The following KLF12 variants were observed in gnomAD, a reference collection of about 807,000 sequenced individuals.
KLF12 encodes the protein Krueppel-like factor 12.
KLF12 carries 9 observed loss-of-function variants against 37.8 expected under a neutral mutation model. That is an observed-to-expected ratio of 0.24 (90% CI 0.14 to 0.42). The LOEUF (loss-of-function observed/expected upper bound fraction) is 0.42. Ranked by LOEUF, KLF12 falls within the 10% of genes least tolerant of loss-of-function variation. The pLI is 1.00. For synonymous variants in KLF12, 208 were observed against 202.1 expected, an observed-to-expected ratio of 1.03 and a Z score of -0.25; for missense variants, 411 against 516.0, an observed-to-expected ratio of 0.80 and a Z score of 1.97.
At chr13:73,712,323 A>G (rs985444064) in intron 7 of KLF12, among the ~76,000 whole-genome samples, 1 of 138,790 alleles carries the variant, frequency 7.2e-6, no homozygotes, top group East Asian at 2.2e-4. Flanking sequence ...GGGTAACAAG[A>G]GCGAAACTCC....
At chr13:73,842,346 C>T (rs917901392) in intron 4 of KLF12, among the ~76,000 whole-genome samples, 3 of 152,220 alleles carry the variant, frequency 2.0e-5, no homozygotes, top group African/African-American at 7.2e-5. Context: ...TAGTCCAACT[C>T]TGTCCACAAT....
In KLF12 at chr13:73,813,257, C is replaced by T; in HGVS notation, c.701G>A (p.Arg234Lys). 1 of 1,613,976 alleles carries T rather than the reference C, an allele frequency of 6.2e-7. No individual in the cohort carries two copies. The highest frequency in any genetic ancestry group is 2.2e-5 in the East Asian group (1 of 44,874). ...ATCATCACTGTCACTTTTACTTTGTCTGGGAGATAGGCCTCGGGGGTCCAT... is the reference window on the plus strand; with the variant it reads ...ATCATCACTGTCACTTTTACTTTGTTTGGGAGATAGGCCTCGGGGGTCCAT... The change falls in exon 5 of 8, where the codon AGA (arginine) becomes AAA (lysine). Residue 234 changes from arginine (R) to lysine (K), a missense_variant. Arg to Lys is a conservative substitution (Grantham distance 26, BLOSUM62 2). Transcript: ENST00000377669.
At chr13:74,154,910 T>A in the KLF12 span, among the ~76,000 whole-genome samples, 1 of 152,224 alleles carries the variant, frequency 6.6e-6, no homozygotes, top group East Asian at 1.9e-4. Flanking sequence ...TCTTCAAATA[T>A]ATTGCCAGCC....
chr13:73,947,071 T>C (rs1204938869), intron 2 of KLF12, among the ~76,000 whole-genome samples: 1 of 152,248 alleles, frequency 6.6e-6, no homozygotes, highest in Non-Finnish European at 1.5e-5. Context: ...GCCATGATCT[T>C]AATCAAAACA....
At chr13:73,799,273 G>A (rs548245373) in intron 5 of KLF12, among the ~76,000 whole-genome samples, 14 of 152,088 alleles carry the variant, frequency 9.2e-5, no homozygotes, top group Non-Finnish European at 1.9e-4. Context: ...ATGAAAGGGA[G>A]GAGGGAGAAG....
intron 3 of KLF12, among the ~76,000 whole-genome samples, chr13:73,901,559 T>G (rs558577943): frequency 6.6e-6 from 1 of 152,170 alleles, no homozygotes; most frequent in South Asian, 2.1e-4. Flanking sequence ...TGGTTATAAA[T>G]GATTGTGGTC....
chr13:74,199,009 C>T, the KLF12 span, among the ~76,000 whole-genome samples: 1 of 152,168 alleles, frequency 6.6e-6, no homozygotes, highest in Admixed American at 6.5e-5. Flanking sequence ...CACAAGCTCA[C>T]AGTGCCAGTG....
intron 4 of KLF12, among the ~76,000 whole-genome samples, chr13:73,821,154 A>G (rs943952893): frequency 2.0e-5 from 3 of 152,034 alleles, no homozygotes; most frequent in African/African-American, 7.2e-5. Context: ...TAACTTCTTC[A>G]TCTCCTTTCT....
intron 1 of KLF12, among the ~76,000 whole-genome samples, chr13:74,108,559 C>G (rs560659199): frequency 1.3e-5 from 2 of 152,220 alleles, no homozygotes; most frequent in East Asian, 3.9e-4. Context: ...CAAAAATCCA[C>G]GTATATCTTT....
chr13:74,015,820 C>T (rs1892674351), intron 1 of KLF12, among the ~76,000 whole-genome samples: 1 of 152,176 alleles, frequency 6.6e-6, no homozygotes, highest in South Asian at 2.1e-4. Context: ...TCATTGGACT[C>T]TCTTCTTGCC....
chr13:74,281,324 G>T, the KLF12 span, among the ~76,000 whole-genome samples: 1 of 152,152 alleles, frequency 6.6e-6, no homozygotes, highest in African/African-American at 2.4e-5. Flanking sequence ...AGAGACAAAG[G>T]TGAAAGGTTA....
chr13:73,710,940 A>C (rs1875354582), intron 7 of KLF12, among the ~76,000 whole-genome samples: 1 of 152,264 alleles, frequency 6.6e-6, no homozygotes, highest in African/African-American at 2.4e-5. Context: ...AAGTTCCAGA[A>C]GGAAATTAAA....
intron 1 of KLF12, among the ~76,000 whole-genome samples, chr13:74,065,011 C>G (rs1873822947): frequency 6.6e-6 from 1 of 152,004 alleles, no homozygotes; most frequent in Non-Finnish European, 1.5e-5. Flanking sequence ...ACTTGTCTGC[C>G]CAATTCAAAC....
At position 73,936,832 on chromosome 13, in the gene KLF12, G is replaced by T. The variant is rs1167200988; in HGVS notation, c.123+7149C>A. On this transcript the variant is annotated intron_variant, in intron 3 of 7. Transcript: ENST00000377669. ...TTCATCTGAGTTTCTAGTTGTTCAT[G>T]GTGGGAGTCAATTCCCACAAGAGTT... Among the ~76,000 whole-genome samples the T allele has an allele frequency of 3.3e-5, 5 of 152,158 alleles. No individual in the cohort carries two copies. In the East Asian group the frequency reaches 9.6e-4, roughly 29 times the overall value.
At chr13:73,789,942 C>G (rs1251250419) in intron 5 of KLF12, among the ~76,000 whole-genome samples, 1 of 152,134 alleles carries the variant, frequency 6.6e-6, no homozygotes, top group Non-Finnish European at 1.5e-5. Flanking sequence ...TCCCAAAGTG[C>G]TGGGATTACA....
rs544590455 is a variant in KLF12, at chr13:73,749,023, A to T, written c.869+15915T>A. 7.9e-5 allele frequency among the ~76,000 whole-genome samples: 12 copies of T among 152,258 alleles called. No individual in the cohort carries two copies. The South Asian group carries it at 2.5e-3, about 32-fold the overall frequency. Reference sequence around the variant, plus strand: ...GCCAATTAACACTCGATTTACTTTGATGGTCATTTCCTATAGAGTACCTAT... The same window carrying T: ...GCCAATTAACACTCGATTTACTTTGTTGGTCATTTCCTATAGAGTACCTAT... On this transcript the variant is annotated intron_variant, in intron 6 of 7. Coordinates refer to ENST00000377669, the MANE Select transcript of KLF12 (RefSeq NM_007249.5).
intron 3 of KLF12, among the ~76,000 whole-genome samples, chr13:73,848,326 G>A (rs144416837): frequency 2.0e-5 from 3 of 152,084 alleles, no homozygotes; most frequent in East Asian, 3.9e-4. Flanking sequence ...TGATAAATGC[G>A]GACCTTATCT....
At chr13:74,080,865 T>G (rs555929566) in intron 1 of KLF12, among the ~76,000 whole-genome samples, 30 of 152,362 alleles carry the variant, frequency 2.0e-4, no homozygotes, top group African/African-American at 6.7e-4. Context: ...CTGGTACTGA[T>G]GAGGAAAGAG....
chr13:73,805,431 G>C (rs1165554345), intron 5 of KLF12, among the ~76,000 whole-genome samples: 2 of 151,860 alleles, frequency 1.3e-5, no homozygotes, highest in African/African-American at 4.8e-5. Context: ...ATCAGCCTGA[G>C]CAATATGGCA....
Sources: allele counts gnomAD v4.1 joint callset (sites outside exome capture counted in the v4.1 genomes callset), GRCh38; gene constraint gnomAD v4.1.1; transcripts MANE v1.5; gene names NCBI Gene and HGNC (gene_info 2026-07-23, HGNC 2026-07-21).